The following ASPH variants were observed in gnomAD, a reference collection of about 807,000 sequenced individuals.
ASPH encodes aspartyl/asparaginyl beta-hydroxylase.
ASPH carries 100 observed loss-of-function variants against 118.4 expected under a neutral mutation model. That is an observed-to-expected ratio of 0.84 (90% CI 0.72 to 1.00). The LOEUF is 1.00. Among genes scored for constraint, ASPH ranks in the 50% least tolerant of loss-of-function variants. ASPH has a pLI of 0.00. For synonymous variants in ASPH, 315 were observed against 325.6 expected (o/e 0.97, Z 0.35); for missense variants, 920 against 919.5 (o/e 1.00, Z -0.01).
At chr8:61,635,835 T>C (rs1404336366) in intron 12 of ASPH, among the ~76,000 whole-genome samples, 2 of 152,196 alleles carry the variant, frequency 1.3e-5, no homozygotes, top group Admixed American at 6.5e-5. Context: ...CTTGGATTAG[T>C]ACACAATATT....
At chr8:61,597,196 G>GAAA (rs34291472) in intron 14 of ASPH, among the ~76,000 whole-genome samples, 14 of 112,792 alleles carry the variant, frequency 1.2e-4, no homozygotes, top group East Asian at 2.7e-4. Flanking sequence ...ATCCAGTCAG[G>GAAA]AAAAAAAAAA....
intron 1 of ASPH, among the ~76,000 whole-genome samples, chr8:61,693,793 T>A (rs1306966566): frequency 6.6e-6 from 1 of 152,202 alleles, no homozygotes; most frequent in Admixed American, 6.5e-5. Flanking sequence ...TGCCTTCATA[T>A]CCATCAGTGG....
chr8:61,663,054 A>G (rs892759865), intron 3 of ASPH: 1 of 985,406 alleles, frequency 1.0e-6, no homozygotes, highest in South Asian at 4.7e-5. Flanking sequence ...TGAAGACAGC[A>G]CTTAAAATTT....
Position 61,619,021 on chromosome 8 carries a change from T to C in ASPH, c.935-2A>G, listed in dbSNP as rs1326414553. 6 of 1,600,022 alleles carry C rather than the reference T, an allele frequency of 3.7e-6. No homozygotes were observed. The East Asian group carries it at 1.3e-4, about 36-fold the overall frequency. On this transcript the variant is annotated splice_acceptor_variant, in intron 13 of 24. Transcript: ENST00000379454. LOFTEE classifies it high-confidence loss of function. ...GATCATCTGTTTTTCTATTTGTTTC[T>C]GAAAATTAAAGACAAAACATAGTAA...
chr8:61,713,864 C>T (rs1319783374), intron 1 of ASPH, among the ~76,000 whole-genome samples: 1 of 152,224 alleles, frequency 6.6e-6, no homozygotes, highest in Middle Eastern at 3.2e-3. Context: ...GCTGGTTAGG[C>T]AGGAACTCAC....
chr8:61,651,703 T>G (rs2151110615), intron 4 of ASPH, among the ~76,000 whole-genome samples: 1 of 152,362 alleles, frequency 6.6e-6, no homozygotes, highest in Non-Finnish European at 1.5e-5. Context: ...TCCTTTCAGC[T>G]TTGGAGAACC....
intron 4 of ASPH, chr8:61,651,486 T>C: frequency 5.3e-6 from 1 of 189,184 alleles, no homozygotes. Flanking sequence ...AAAGCTTTCA[T>C]AAAGGGAAAT....
At chr8:61,706,665 A>G (rs1757931334) in intron 1 of ASPH, among the ~76,000 whole-genome samples, 1 of 152,204 alleles carries the variant, frequency 6.6e-6, no homozygotes, top group Non-Finnish European at 1.5e-5. Context: ...CAGATTCTAA[A>G]ATCTAGAGAA....
intron 24 of ASPH, among the ~76,000 whole-genome samples, chr8:61,514,190 C>T (rs1809987481): frequency 6.6e-6 from 1 of 152,168 alleles, no homozygotes; most frequent in South Asian, 2.1e-4. Context: ...GCACCATCCA[C>T]CTGCTCCCAT....
intron 14 of ASPH, among the ~76,000 whole-genome samples, chr8:61,594,548 G>A (rs373433650): frequency 2.0e-5 from 3 of 152,144 alleles, no homozygotes; most frequent in African/African-American, 7.2e-5. Context: ...TTTTATCCAC[G>A]GTTTTGCTTT....
chr8:61,638,639 T>G (rs141173797), intron 10 of ASPH, among the ~76,000 whole-genome samples: 1 of 152,304 alleles, frequency 6.6e-6, no homozygotes, highest in African/African-American at 2.4e-5. Flanking sequence ...AGGTTTTGAA[T>G]TAGCCGAAGC....
chr8:61,691,592 C>A (rs972413816), intron 1 of ASPH, among the ~76,000 whole-genome samples: 1 of 152,170 alleles, frequency 6.6e-6, no homozygotes, highest in African/African-American at 2.4e-5. Context: ...ACACGATACC[C>A]CCATGGGTGA....
At chr8:61,607,574 G>A (rs928437941) in intron 14 of ASPH, among the ~76,000 whole-genome samples, 7 of 151,662 alleles carry the variant, frequency 4.6e-5, no homozygotes, top group South Asian at 4.2e-4. Context: ...AAGAAGTACT[G>A]TTATGCCCTC....
rs1039187544 is a variant in ASPH at position 61,501,205 on chromosome 8, G to C, written c.*2154C>G. On this transcript the variant is annotated 3_prime_UTR_variant, in exon 25 of 25. Coordinates refer to ENST00000379454, the MANE Select transcript of ASPH (RefSeq NM_004318.4). ...TTTCTTATGTACCAAGACATAGATA[G>C]GTAAGAGAAATAAAGAATTGAAGTG... 6.8e-6 allele frequency: 1 copy of C among 146,888 alleles called. No homozygotes were observed. Among genetic ancestry groups the C allele is most frequent in the African/African-American group, 2.4e-5 (1 of 41,070 alleles). The allele number at this position is 146,888 out of a possible 1,614,324, so 9.1% of individuals were successfully genotyped here.
At chr8:61,637,412 T>G (rs929358005) in intron 12 of ASPH, among the ~76,000 whole-genome samples, 1 of 152,176 alleles carries the variant, frequency 6.6e-6, no homozygotes, top group Non-Finnish European at 1.5e-5. Context: ...ATAATATATG[T>G]GAAATAACTG....
chr8:61,714,444 A>AG lies in ASPH; in HGVS notation c.-74_-73insC. ...CGCGGGGGTACACACGCGACGCGGG[A>AG]ACCGCTGGCGGCGGCGGGCCGCTGG... On this transcript the variant is annotated 5_prime_UTR_variant, in exon 1 of 25. Transcript: ENST00000379454. The AG allele has an allele frequency of 2.2e-6, 3 of 1,367,110 alleles. No homozygotes were observed. The East Asian group carries it at 9.3e-5, about 42-fold the overall frequency. The allele number at this position is 1,367,110 out of a possible 1,614,324, so 84.7% of individuals were successfully genotyped here.
At chr8:61,608,920 G>T (rs7006746) in intron 14 of ASPH, among the ~76,000 whole-genome samples, 127,028 of 152,158 alleles carry the variant, frequency 0.83, 53,134 homozygotes, top group African/African-American at 0.86. Context: ...TGGGTTAGAC[G>T]AGCAGGCAGG....
At chr8:61,628,058 G>T (rs551129856) in intron 13 of ASPH, among the ~76,000 whole-genome samples, 1 of 152,054 alleles carries the variant, frequency 6.6e-6, no homozygotes, top group African/African-American at 2.4e-5. Context: ...CTTCTTACTA[G>T]TCTCTACCTC....
At chr8:61,708,762 G>C (rs1240808003) in intron 1 of ASPH, among the ~76,000 whole-genome samples, 2 of 152,158 alleles carry the variant, frequency 1.3e-5, no homozygotes, top group African/African-American at 4.8e-5. Context: ...GAGTCACTGG[G>C]TTCAACGTGT....
Sources: allele counts gnomAD v4.1 joint callset (sites outside exome capture counted in the v4.1 genomes callset), GRCh38; gene constraint gnomAD v4.1.1; transcripts MANE v1.5; gene names NCBI Gene and HGNC (gene_info 2026-07-23, HGNC 2026-07-21).